The following RPGRIP1 variants were observed in gnomAD, a reference collection of about 807,000 sequenced individuals.
RPGRIP1 encodes RPGR interacting protein 1, also known as X-linked retinitis pigmentosa GTPase regulator-interacting protein 1.
Under a neutral mutation model 157.9 loss-of-function variants are expected in RPGRIP1, and 128 were observed. The observed-to-expected ratio is 0.81, with a 90% confidence interval of 0.70 to 0.94. The LOEUF is 0.94. RPGRIP1 is among the 40% of genes least tolerant of loss of function. The pLI is 0.00. For synonymous variants in RPGRIP1, 554 were observed against 571.6 expected (o/e 0.97, Z 0.44); for missense variants, 1,486 against 1,545.8 (o/e 0.96, Z 0.65).
intron 24 of RPGRIP1, 76 bp downstream of exon 24, chr14:21,348,378 C>A (rs531270979): frequency 2.6e-4 from 292 of 1,108,858 alleles, no homozygotes; most frequent in Admixed American, 6.4e-4. Flanking sequence ...ATCTTCAATA[C>A]ATAATTATTA....
rs55797824 is a variant in RPGRIP1, at chr14:21,347,893, T to C, written c.3618-279T>C. 0.13 allele frequency among the ~76,000 whole-genome samples: 19,967 copies of C among 152,066 alleles called. 1,460 individuals are homozygous for C. The highest frequency in any genetic ancestry group is 0.22 in the Middle Eastern group (63 of 292). On this transcript the variant is annotated intron_variant, in intron 23 of 24. Coordinates refer to ENST00000400017, the MANE Select transcript of RPGRIP1 (RefSeq NM_020366.4). The stretch of plus-strand genomic sequence containing the variant: ...GGTGTGTGCCACCATGCCCGGCTAA[T>C]TTTTTATTTTTTTTGTAGAGACGGG...
intron 6 of RPGRIP1, among the ~76,000 whole-genome samples, chr14:21,305,937 T>A (rs1045282491): frequency 6.6e-6 from 1 of 151,756 alleles, no homozygotes; most frequent in Admixed American, 6.6e-5. Context: ...CTTTCAATTA[T>A]TTGGGGGGTA....
At chr14:21,337,819 C>T (rs58248020) in intron 21 of RPGRIP1, among the ~76,000 whole-genome samples, 24,390 of 144,884 alleles carry the variant, frequency 0.17, 2,536 homozygotes, top group African/African-American at 0.28. Context: ...GCAGTGGCAC[C>T]ATCTTGGCTA....
intron 8 of RPGRIP1, 107 bp downstream of exon 8, chr14:21,310,714 A>C: frequency 1.5e-6 from 1 of 672,706 alleles, no homozygotes; most frequent in Non-Finnish European, 2.7e-6. Context: ...TAGCTAACTA[A>C]ATCAATGTTA....
intron 6 of RPGRIP1, among the ~76,000 whole-genome samples, chr14:21,307,258 T>C (rs1881355973): frequency 6.6e-6 from 1 of 152,084 alleles, no homozygotes; most frequent in African/African-American, 2.4e-5. Flanking sequence ...TTTGCCATGT[T>C]GCCCAGGCTG....
At chr14:21,295,711 G>A in intron 3 of RPGRIP1, among the ~76,000 whole-genome samples, 1 of 151,858 alleles carries the variant, frequency 6.6e-6, no homozygotes, top group African/African-American at 2.4e-5. Context: ...CTTGACCTCA[G>A]GTGATCCGCC....
chr14:21,284,447 A>C (rs1267826982), intron 1 of RPGRIP1, among the ~76,000 whole-genome samples: 2 of 152,050 alleles, frequency 1.3e-5, no homozygotes, highest in Non-Finnish European at 2.9e-5. Context: ...GGTGAGTTTC[A>C]GTTGTCTAGT....
chr14:21,339,316 C>T (rs948165468), intron 21 of RPGRIP1, among the ~76,000 whole-genome samples: 1 of 151,412 alleles, frequency 6.6e-6, no homozygotes, highest in Non-Finnish European at 1.5e-5. Flanking sequence ...CGTGGTGGCG[C>T]GTGCTTGTAA....
intron 22 of RPGRIP1, 75 bp from the exon 23 acceptor site, chr14:21,345,038 C>T (rs1885422677): frequency 1.1e-6 from 1 of 916,672 alleles, no homozygotes; most frequent in Non-Finnish European, 1.8e-6. Context: ...ACCATGAATA[C>T]CACTAATGAA....
intron 1 of RPGRIP1, among the ~76,000 whole-genome samples, chr14:21,284,630 C>T (rs1880238773): frequency 6.7e-6 from 1 of 150,316 alleles, no homozygotes; most frequent in Non-Finnish European, 1.5e-5. Context: ...CTGCATCCTC[C>T]GCCTCCCGGG....
intron 19 of RPGRIP1, 45 bp downstream of exon 19, chr14:21,328,672 G>A: frequency 7.8e-7 from 1 of 1,289,982 alleles, no homozygotes; most frequent in Non-Finnish European, 1.1e-6. Flanking sequence ...GGGTTGTAGT[G>A]TCCCCAGATG....
At chr14:21,350,199 A>C (rs1886063133) in intron 24 of RPGRIP1, among the ~76,000 whole-genome samples, 1 of 152,142 alleles carries the variant, frequency 6.6e-6, no homozygotes, top group African/African-American at 2.4e-5. Context: ...AATATGGTGA[A>C]ACCCCATCTC....
At chr14:21,295,105 A>G (rs1449706592) in intron 3 of RPGRIP1, among the ~76,000 whole-genome samples, 1 of 151,984 alleles carries the variant, frequency 6.6e-6, no homozygotes, top group African/African-American at 2.4e-5. Flanking sequence ...CGGCCTCCCA[A>G]AGTGCTGGGT....
rs755670354 is a variant in RPGRIP1 at position 21,303,545 on chromosome 14, TAAG to T, written c.800+4_800+6del. The T allele has an allele frequency of 6.2e-7, 1 of 1,611,574 alleles. No individual in the cohort carries two copies. The highest frequency in any genetic ancestry group is 8.5e-7 in the Non-Finnish European group (1 of 1,178,192). ...TGCTCAGAAGGCTGCAGAGCTTCGG[TAAG>T]AGTGTGGCACTCCATGCCTCAAACC... On this transcript the variant is annotated splice_donor_5th_base_variant and intron_variant, in intron 6 of 24. Transcript: ENST00000400017.
intron 21 of RPGRIP1, among the ~76,000 whole-genome samples, chr14:21,342,712 C>T (rs191848290): frequency 0.014 from 2,128 of 152,178 alleles, 43 homozygotes; most frequent in African/African-American, 0.048. Context: ...CCCTCCCCGC[C>T]GCTCCGAATC....
intron 22 of RPGRIP1, among the ~76,000 whole-genome samples, chr14:21,344,637 A>G (rs1174530590): frequency 6.6e-6 from 1 of 152,174 alleles, no homozygotes; most frequent in Non-Finnish European, 1.5e-5. Context: ...AAGTGTGGAA[A>G]TCTTTTTCAT....
intron 21 of RPGRIP1, among the ~76,000 whole-genome samples, chr14:21,335,192 G>A (rs113717735): frequency 0.019 from 2,942 of 152,146 alleles, 92 homozygotes; most frequent in African/African-American, 0.066. Flanking sequence ...AGGTCGGCTG[G>A]TACAGTCAGA....
rs563490738 is a variant in RPGRIP1, at chr14:21,325,364, G to A, written c.2348G>A (p.Arg783Gln). ...VYLSTDVLGG[R>Q]KAQEEEFRSE... The stretch of plus-strand genomic sequence containing the variant: ...CTGTCAACCGATGTGCTTGGAGGCC[G>A]GAAGGCCCAGGAAGAGGAGGTGAGA... Residue 783 changes from arginine to glutamine, a missense_variant, in exon 16 of 25, where the codon CGG becomes CAG. Arg to Gln is a conservative substitution (Grantham distance 43, BLOSUM62 1). Coordinates refer to ENST00000400017, the MANE Select transcript of RPGRIP1 (RefSeq NM_020366.4). 30 of 1,579,218 alleles carry A rather than the reference G, an allele frequency of 1.9e-5. No homozygotes were observed. The highest frequency in any genetic ancestry group is 9.4e-5 in the African/African-American group (7 of 74,198).
In RPGRIP1 at chr14:21,311,819, C is replaced by T. The variant is rs1191628471; in HGVS notation, c.931-5C>T. The T allele has an allele frequency of 6.3e-7, 1 of 1,595,230 alleles. No homozygotes were observed. The highest frequency in any genetic ancestry group is 8.5e-7 in the Non-Finnish European group (1 of 1,172,872). ...ATTCCCAGAGGTACTTTCCTTTTGA[C>T]CCAGAATCAGGGAATCCTGAGTGCA... On this transcript the variant is annotated splice_region_variant and splice_polypyrimidine_tract_variant and intron_variant, in intron 8 of 24. Coordinates refer to ENST00000400017, the MANE Select transcript of RPGRIP1 (RefSeq NM_020366.4).
Sources: gnomAD v4.1 joint callset for allele counts (sites outside exome capture counted in the v4.1 genomes callset) on GRCh38, gnomAD v4.1.1 for gene constraint, MANE v1.5 for transcripts, NCBI Gene and HGNC (gene_info 2026-07-23, HGNC 2026-07-21) for gene names.